Variants in STXBP5L observed in about 807,000 individuals in gnomAD.
STXBP5L encodes the protein syntaxin-binding protein 5-like.
In STXBP5L, 65 loss-of-function variants were observed where a neutral mutation model predicts 144.5. That is an observed-to-expected ratio of 0.45 (90% CI 0.37 to 0.55). The LOEUF (loss-of-function observed/expected upper bound fraction) is 0.55. Among genes scored for constraint, STXBP5L ranks in the 20% least tolerant of loss-of-function variants. The probability of loss-of-function intolerance (pLI) is 0.00; values close to 1 mark genes in which losing one functional copy is unlikely to be tolerated. For missense variants in STXBP5L, 1,298 were observed against 1,405.5 expected (o/e 0.92, Z 1.22); for synonymous variants, 505 against 469.6 (o/e 1.08, Z -0.97).
At chr3:121,241,403 A>G (rs144145858) in intron 14 of STXBP5L, among the ~76,000 whole-genome samples, 1 of 83,132 alleles carries the variant, frequency 1.2e-5, no homozygotes, top group African/African-American at 4.4e-5. Flanking sequence ...ACACACACAC[A>G]CACACACGCA....
intron 9 of STXBP5L, among the ~76,000 whole-genome samples, chr3:121,162,047 C>A (rs1459071402): frequency 6.6e-6 from 1 of 151,818 alleles, no homozygotes; most frequent in Non-Finnish European, 1.5e-5. Flanking sequence ...ATTCTGTACA[C>A]AAAACAAACA....
chr3:121,290,322 G>C (rs963361358), intron 19 of STXBP5L, among the ~76,000 whole-genome samples: 1 of 151,940 alleles, frequency 6.6e-6, no homozygotes, highest in Middle Eastern at 3.2e-3. Flanking sequence ...TAAATTCCTG[G>C]AAATATACAA....
intron 3 of STXBP5L, among the ~76,000 whole-genome samples, chr3:120,956,262 C>T (rs11922756): frequency 0.12 from 18,239 of 151,782 alleles, 1,155 homozygotes; most frequent in Non-Finnish European, 0.14. Context: ...CCATCATCAC[C>T]GTCCTTTTCT....
chr3:121,368,353 A>T (rs73183165), intron 20 of STXBP5L, among the ~76,000 whole-genome samples: 1 of 151,168 alleles, frequency 6.6e-6, no homozygotes, highest in Non-Finnish European at 1.5e-5. Context: ...CTCTTTACTG[A>T]TATTTATATT....
At chr3:121,095,717 T>C (rs1576939438) in intron 5 of STXBP5L, among the ~76,000 whole-genome samples, 1 of 152,178 alleles carries the variant, frequency 6.6e-6, no homozygotes, top group South Asian at 2.1e-4. Context: ...TTAACTTCTT[T>C]GCGATGGGTT....
At chr3:120,975,196 G>A (rs1940811040) in intron 3 of STXBP5L, among the ~76,000 whole-genome samples, 1 of 152,112 alleles carries the variant, frequency 6.6e-6, no homozygotes, top group South Asian at 2.1e-4. Context: ...TCTTCCATTT[G>A]GTTGTATCCT....
At chr3:120,927,540 TG>T (rs1709702095) in intron 2 of STXBP5L, among the ~76,000 whole-genome samples, 1 of 152,210 alleles carries the variant, frequency 6.6e-6, no homozygotes, top group Non-Finnish European at 1.5e-5. Context: ...TGGGGGAAGC[TG>T]GTTGTCTACC....
intron 19 of STXBP5L, among the ~76,000 whole-genome samples, chr3:121,310,745 C>A (rs1453170066): frequency 6.6e-6 from 1 of 151,314 alleles, no homozygotes; most frequent in South Asian, 2.1e-4. Flanking sequence ...CATGTCTCTA[C>A]TAAAAATACC....
At chr3:121,289,056 C>T (rs769592825) in intron 19 of STXBP5L, among the ~76,000 whole-genome samples, 18 of 152,068 alleles carry the variant, frequency 1.2e-4, no homozygotes, top group Non-Finnish European at 2.1e-4. Context: ...AATCTGTACA[C>T]CAAACTCCCA....
At chr3:121,394,983 T>C (rs1471712925) in intron 22 of STXBP5L, among the ~76,000 whole-genome samples, 1 of 152,216 alleles carries the variant, frequency 6.6e-6, no homozygotes, top group Admixed American at 6.5e-5. Flanking sequence ...TCATTTACCC[T>C]TTTGTCATTT....
chr3:120,947,755 G>A (rs776526033), intron 2 of STXBP5L, among the ~76,000 whole-genome samples: 13 of 151,684 alleles, frequency 8.6e-5, no homozygotes, highest in Non-Finnish European at 1.5e-4. Context: ...ACATTTTCAA[G>A]GTTCATCTAT....
At chr3:121,068,781 C>T (rs1406242103) in intron 5 of STXBP5L, among the ~76,000 whole-genome samples, 2 of 151,956 alleles carry the variant, frequency 1.3e-5, no homozygotes, top group Non-Finnish European at 2.9e-5. Context: ...ATCCTCATTC[C>T]TTACTATGTC....
intron 3 of STXBP5L, among the ~76,000 whole-genome samples, chr3:121,037,163 C>A (rs1946818081): frequency 6.6e-6 from 1 of 151,430 alleles, no homozygotes; most frequent in African/African-American, 2.4e-5. Flanking sequence ...GAACTCCTGG[C>A]TTCAAGCAAT....
At chr3:121,200,794 T>G (rs999786660) in intron 9 of STXBP5L, among the ~76,000 whole-genome samples, 3 of 152,246 alleles carry the variant, frequency 2.0e-5, no homozygotes, top group African/African-American at 7.2e-5. Context: ...TGTGTGGTTT[T>G]GAGTGAATTT....
chr3:120,910,617 G>T (rs1199756815), intron 2 of STXBP5L, among the ~76,000 whole-genome samples: 2 of 151,768 alleles, frequency 1.3e-5, no homozygotes, highest in Non-Finnish European at 2.9e-5. Context: ...AAATGTGTTT[G>T]GCTACATAAG....
At chr3:121,395,139 C>G (rs946372872) in intron 22 of STXBP5L, among the ~76,000 whole-genome samples, 1 of 151,958 alleles carries the variant, frequency 6.6e-6, no homozygotes, top group African/African-American at 2.4e-5. Context: ...AGTAAGTAAC[C>G]CTTTAGATGT....
chr3:121,092,944 C>G (rs1475473374), intron 5 of STXBP5L, among the ~76,000 whole-genome samples: 1 of 152,118 alleles, frequency 6.6e-6, no homozygotes, highest in Non-Finnish European at 1.5e-5. Flanking sequence ...GAGATATGTC[C>G]CATCAATACC....
intron 5 of STXBP5L, chr3:121,099,432 A>G (rs2043302150): frequency 6.6e-6 from 1 of 152,242 alleles, no homozygotes; most frequent in African/African-American, 2.4e-5. Context: ...GAGTTCTTCA[A>G]GAAGCTACAA....
chr3:121,418,616 A>T, intron 26 of STXBP5L, 59 bp downstream of exon 26: 2 of 1,519,618 alleles, frequency 1.3e-6, no homozygotes, highest in South Asian at 2.4e-5. Flanking sequence ...AACATTTAGG[A>T]TCTGCACAAG....
Sources: gnomAD v4.1 joint callset for allele counts (sites outside exome capture counted in the v4.1 genomes callset) on GRCh38, gnomAD v4.1.1 for gene constraint, MANE v1.5 for transcripts, NCBI Gene and HGNC (gene_info 2026-07-23, HGNC 2026-07-21) for gene names.